The following KCNH7 variants were observed in gnomAD, a reference collection of about 807,000 sequenced individuals.
The protein encoded by KCNH7 is potassium voltage-gated channel subfamily H member 7, also known as voltage-gated inwardly rectifying potassium channel KCNH7.
In KCNH7, 49 loss-of-function variants were observed where a neutral mutation model predicts 120.8. The observed-to-expected ratio is 0.41, with a 90% CI of 0.32 to 0.51. The LOEUF is 0.51. Among genes scored for constraint, KCNH7 ranks in the 20% least tolerant of loss-of-function variants. The pLI is 0.38. For synonymous variants in KCNH7, 547 were observed against 516.1 expected, an observed-to-expected ratio of 1.06 and a Z score of -0.81; for missense variants, 1,097 against 1,446.6, an observed-to-expected ratio of 0.76 and a Z score of 3.92.
intron 2 of KCNH7, among the ~76,000 whole-genome samples, chr2:162,763,289 A>G (rs527411388): frequency 6.6e-6 from 1 of 152,174 alleles, no homozygotes; most frequent in African/African-American, 2.4e-5. Flanking sequence ...AAATCATTCA[A>G]TTGATGAGTT....
intron 2 of KCNH7, among the ~76,000 whole-genome samples, chr2:162,677,640 A>T (rs1685571763): frequency 6.6e-6 from 1 of 151,414 alleles, no homozygotes; most frequent in South Asian, 2.1e-4. Flanking sequence ...TTATATAAAC[A>T]CTCTTGTAGT....
chr2:162,465,432 T>A (rs1689274873), intron 6 of KCNH7, among the ~76,000 whole-genome samples: 1 of 152,174 alleles, frequency 6.6e-6, no homozygotes, highest in South Asian at 2.1e-4. Context: ...AATATAGAAA[T>A]GTATTTTTAA....
chr2:162,521,201 T>C (rs1348527300), intron 3 of KCNH7, among the ~76,000 whole-genome samples: 3 of 151,922 alleles, frequency 2.0e-5, no homozygotes, highest in Non-Finnish European at 4.4e-5. Context: ...CAGGCTATTT[T>C]GCTTACTTAG....
chr2:162,785,553 A>ATT (rs35254894), intron 2 of KCNH7, among the ~76,000 whole-genome samples: 6,747 of 151,114 alleles, frequency 0.045, 476 homozygotes, highest in African/African-American at 0.15. Flanking sequence ...TCTTCACTGT[A>ATT]TTTTTTTTTT....
chr2:162,462,537 A>AAGAGAG (rs10589133), intron 6 of KCNH7, among the ~76,000 whole-genome samples: 3 of 147,598 alleles, frequency 2.0e-5, no homozygotes, highest in Non-Finnish European at 3.0e-5. Flanking sequence ...GAGAGAGAGC[A>AAGAGAG]AGAGAGAGAG....
At chr2:162,486,743 AT>A (rs1690109018) in intron 6 of KCNH7, among the ~76,000 whole-genome samples, 1 of 152,180 alleles carries the variant, frequency 6.6e-6, no homozygotes, top group East Asian at 1.9e-4. Flanking sequence ...ATCCTAAAAA[AT>A]CACCCCCATA....
intron 2 of KCNH7, among the ~76,000 whole-genome samples, chr2:162,744,568 CT>C (rs144013923): frequency 0.07 from 8,061 of 115,282 alleles, 452 homozygotes; most frequent in African/African-American, 0.25. Context: ...ATTCACAGAA[CT>C]TTTTTTTTTT....
At chr2:162,781,533 G>T (rs1489022582) in intron 2 of KCNH7, among the ~76,000 whole-genome samples, 22 of 152,080 alleles carry the variant, frequency 1.4e-4, no homozygotes, top group Non-Finnish European at 2.9e-5. Flanking sequence ...AATGAGGAAG[G>T]TAAAAATTAG....
Position 162,379,834 on chromosome 2 carries a change from T to G in KCNH7, c.3131+19A>C. ...AAGGGGTTGGGTTATGTTCTCCTTTTGCCCATCACTGCTTATACCTGTTAA... is the reference window on the plus strand; with the variant it reads ...AAGGGGTTGGGTTATGTTCTCCTTTGGCCCATCACTGCTTATACCTGTTAA... On this transcript the variant is annotated intron_variant, in intron 14 of 15. Coordinates refer to ENST00000332142, the MANE Select transcript of KCNH7 (RefSeq NM_033272.4). 6.2e-7 allele frequency: 1 copy of G among 1,612,228 alleles called. No individual in the cohort carries two copies. The highest frequency in any genetic ancestry group is 8.5e-7 in the Non-Finnish European group (1 of 1,178,898).
At chr2:162,511,783 C>T (rs1574047388) in intron 5 of KCNH7, among the ~76,000 whole-genome samples, 2 of 151,780 alleles carry the variant, frequency 1.3e-5, no homozygotes, top group East Asian at 3.9e-4. Context: ...AGAGAGTGGT[C>T]AAAACAGTGA....
chr2:162,412,596 G>T (rs529524017), intron 9 of KCNH7, among the ~76,000 whole-genome samples: 1 of 152,126 alleles, frequency 6.6e-6, no homozygotes, highest in East Asian at 1.9e-4. Context: ...ACACAGTAAG[G>T]GCACTTATTA....
chr2:162,471,200 C>T (rs1689513522), intron 6 of KCNH7, among the ~76,000 whole-genome samples: 1 of 151,348 alleles, frequency 6.6e-6, no homozygotes, highest in South Asian at 2.1e-4. Flanking sequence ...TCCTATGACC[C>T]TGCCAAATCC....
chr2:162,538,523 C>T (rs990100036), intron 2 of KCNH7, among the ~76,000 whole-genome samples: 106 of 152,092 alleles, frequency 7.0e-4, no homozygotes, highest in African/African-American at 2.5e-3. Context: ...GAGACAGGGG[C>T]CGGGCAAACA....
chr2:162,831,026 A>C (rs1352759865), intron 2 of KCNH7, among the ~76,000 whole-genome samples: 1 of 152,172 alleles, frequency 6.6e-6, no homozygotes, highest in Non-Finnish European at 1.5e-5. Context: ...ATCCTGGTTT[A>C]ATGACTGAAA....
intron 9 of KCNH7, among the ~76,000 whole-genome samples, chr2:162,404,066 T>A (rs1485715516): frequency 1.3e-5 from 2 of 151,944 alleles, no homozygotes; most frequent in Non-Finnish European, 2.9e-5. Flanking sequence ...TGTTAAACTC[T>A]CTGACATAGG....
chr2:162,729,667 A>T (rs1172056699), intron 2 of KCNH7, among the ~76,000 whole-genome samples: 1 of 152,202 alleles, frequency 6.6e-6, no homozygotes, highest in Non-Finnish European at 1.5e-5. Flanking sequence ...TAAAATGCTG[A>T]CTATAAGTAA....
At chr2:162,609,847 C>T (rs111706250) in intron 2 of KCNH7, among the ~76,000 whole-genome samples, 20 of 152,224 alleles carry the variant, frequency 1.3e-4, no homozygotes, top group African/African-American at 4.3e-4. Flanking sequence ...GTGCATAACA[C>T]TCTGGGGACG....
chr2:162,569,805 A>T (rs1453342602), intron 2 of KCNH7, among the ~76,000 whole-genome samples: 1 of 145,432 alleles, frequency 6.9e-6, no homozygotes, highest in Non-Finnish European at 1.5e-5. Flanking sequence ...GTCATTCAGG[A>T]GCAGGTTGTT....
At chr2:162,523,478 G>A (rs951351215) in intron 3 of KCNH7, among the ~76,000 whole-genome samples, 2 of 151,548 alleles carry the variant, frequency 1.3e-5, no homozygotes, top group African/African-American at 4.8e-5. Context: ...TCAAAAATTG[G>A]CTTTACTAAA....
Sources: allele counts gnomAD v4.1 joint callset (sites outside exome capture counted in the v4.1 genomes callset), GRCh38; gene constraint gnomAD v4.1.1; transcripts MANE v1.5; gene names NCBI Gene and HGNC (gene_info 2026-07-23, HGNC 2026-07-21).